The following EDA variants were observed in gnomAD, a reference collection of about 807,000 sequenced individuals.
The protein encoded by EDA is ectodysplasin-A.
A neutral mutation model predicts 23.6 loss-of-function variants in EDA; 2 were observed. The ratio of observed to expected loss-of-function variants is 0.08; its 90% CI spans 0.03 to 0.27. The LOEUF (loss-of-function observed/expected upper bound fraction) is 0.27, where lower values mean the gene tolerates loss of function less well. Ranked by LOEUF, EDA falls within the 10% of genes least tolerant of loss-of-function variation. The pLI is 1.00. For missense variants in EDA, 229 were observed against 324.2 expected (o/e 0.71, Z 2.26); for synonymous variants, 131 against 132.0 (o/e 0.99, Z 0.05).
chrX:69,864,015 T>A (rs1029975246), intron 1 of EDA, among the ~76,000 whole-genome samples: 1 of 111,751 alleles, frequency 8.9e-6, no homozygotes, highest in African/African-American at 3.3e-5. Context: ...TACATACTAA[T>A]GTTAGAAGTA....
At chrX:69,858,644 G>C (rs1415360866) in intron 1 of EDA, among the ~76,000 whole-genome samples, 1 of 111,817 alleles carries the variant, frequency 8.9e-6, no homozygotes, top group East Asian at 2.8e-4. Flanking sequence ...GTATTTTGTT[G>C]AGGATTTCTG....
chrX:69,753,044 T>G (rs1226710778), intron 1 of EDA, among the ~76,000 whole-genome samples: 4 of 109,488 alleles, frequency 3.7e-5, no homozygotes, highest in African/African-American at 1.0e-4. Flanking sequence ...GATTCATTGA[T>G]TTTTTGAAGG....
At chrX:69,650,899 T>C (rs1292930972) in intron 1 of EDA, among the ~76,000 whole-genome samples, 1 of 110,541 alleles carries the variant, frequency 9.0e-6, no homozygotes, top group Non-Finnish European at 1.9e-5. Context: ...GAAAAGCCTA[T>C]GTGAAAGTCT....
intron 1 of EDA, among the ~76,000 whole-genome samples, chrX:69,636,101 G>A (rs1392466462): frequency 9.0e-6 from 1 of 111,035 alleles, no homozygotes; most frequent in Non-Finnish European, 1.9e-5. Flanking sequence ...CAAATCTCAT[G>A]TTAAAACATA....
In EDA at chrX:70,037,487, C is replaced by T. The variant is rs1174562319; in HGVS notation, c.*1878C>T. ...GAAAATAATTTCTCTTGTATTATCT[C>T]CTTTGAAGAAGGCAAGGCTGATAAT... On this transcript the variant is annotated 3_prime_UTR_variant, in exon 8 of 8. Coordinates refer to ENST00000374552, the MANE Select transcript of EDA (RefSeq NM_001399.5). The T allele has an allele frequency of 2.7e-5, 3 of 112,127 alleles. No individual in the cohort carries two copies. Among genetic ancestry groups the T allele is most frequent in the African/African-American group, 9.7e-5 (3 of 30,831 alleles). 9.2% of individuals were successfully genotyped at this position (112,127 alleles called of 1,213,427 possible). A position where few individuals can be genotyped will look rare whatever the true frequency, so the allele number is the denominator to read the frequency against.
chrX:69,937,854 C>T (rs1463664770), intron 1 of EDA: 9 of 1,194,473 alleles, frequency 7.5e-6, no homozygotes, highest in Non-Finnish European at 6.8e-6. Context: ...AGCATTGCTC[C>T]TGAATCCTCC....
At chrX:70,018,549 A>G (rs1488379957) in intron 2 of EDA, among the ~76,000 whole-genome samples, 1 of 111,877 alleles carries the variant, frequency 8.9e-6, no homozygotes, top group Non-Finnish European at 1.9e-5. Flanking sequence ...TGACCATCTG[A>G]TCTTTGACAA....
intron 2 of EDA, among the ~76,000 whole-genome samples, chrX:69,958,317 A>G (rs188748584): frequency 1.8e-5 from 2 of 111,846 alleles, no homozygotes; most frequent in African/African-American, 6.5e-5. Flanking sequence ...AGGGTTACAA[A>G]GCAATATGAC....
At chrX:69,674,268 T>A (rs1447920538) in intron 1 of EDA, among the ~76,000 whole-genome samples, 1 of 111,498 alleles carries the variant, frequency 9.0e-6, no homozygotes, top group Non-Finnish European at 1.9e-5. Context: ...GTCTGTCTAT[T>A]TTGTCTGCCA....
intron 1 of EDA, among the ~76,000 whole-genome samples, chrX:69,816,691 T>C (rs1355802780): frequency 9.2e-6 from 1 of 108,197 alleles, no homozygotes; most frequent in Non-Finnish European, 1.9e-5. Flanking sequence ...CCGAGAAATA[T>C]GGGATTATGT....
intron 2 of EDA, among the ~76,000 whole-genome samples, chrX:69,987,073 A>G (rs2019503318): frequency 1.3e-5 from 1 of 78,293 alleles, no homozygotes; most frequent in Non-Finnish European, 2.3e-5. Context: ...GAATTGAACA[A>G]TGAGATCACA....
chrX:69,721,636 G>A lies in EDA; in HGVS notation c.396+104932G>A, dbSNP rs914467918. ...GTCAGAAGACTCCCATTTGATTTAG[G>A]AGAGGAATGAGCCCACGTGGGCTGA... On this transcript the variant is annotated intron_variant, in intron 1 of 7. Coordinates refer to ENST00000374552, the MANE Select transcript of EDA (RefSeq NM_001399.5). 7.2e-5 allele frequency among the ~76,000 whole-genome samples: 8 copies of A among 111,035 alleles called. No individual in the cohort carries two copies. In the South Asian group the frequency reaches 3.2e-3, roughly 44 times the overall value.
intron 1 of EDA, among the ~76,000 whole-genome samples, chrX:69,648,468 G>A (rs1280511911): frequency 8.9e-6 from 1 of 112,397 alleles, no homozygotes; most frequent in Non-Finnish European, 1.9e-5. Context: ...AAGTAGTCTG[G>A]CACTGATCTG....
At chrX:69,895,596 T>C (rs2018002695) in intron 1 of EDA, among the ~76,000 whole-genome samples, 1 of 111,586 alleles carries the variant, frequency 9.0e-6, no homozygotes, top group Non-Finnish European at 1.9e-5. Context: ...AGAGTAAAAA[T>C]AAAAAATCCT....
At chrX:69,997,656 C>T (rs1486647139) in intron 2 of EDA, among the ~76,000 whole-genome samples, 1 of 112,544 alleles carries the variant, frequency 8.9e-6, no homozygotes, top group Non-Finnish European at 1.9e-5. Flanking sequence ...CACTGCAGCC[C>T]CTCCCATCAC....
chrX:70,028,451 G>A (rs1490898894), intron 4 of EDA, among the ~76,000 whole-genome samples: 1 of 112,422 alleles, frequency 8.9e-6, no homozygotes, highest in Non-Finnish European at 1.9e-5. Context: ...CATAGAAATA[G>A]GCTATGGAGT....
At chrX:69,858,830 C>T (rs1602489090) in intron 1 of EDA, among the ~76,000 whole-genome samples, 1 of 111,264 alleles carries the variant, frequency 9.0e-6, no homozygotes, top group African/African-American at 3.3e-5. Context: ...TTGTACATCT[C>T]GTAGAAACCA....
chrX:69,784,845 T>A (rs1260791393), intron 1 of EDA, among the ~76,000 whole-genome samples: 1 of 110,251 alleles, frequency 9.1e-6, no homozygotes, highest in South Asian at 4.0e-4. Flanking sequence ...ATTGGTAGCT[T>A]GATGGGGATG....
At chrX:69,829,675 C>G (rs1255515029) in intron 1 of EDA, among the ~76,000 whole-genome samples, 2 of 111,864 alleles carry the variant, frequency 1.8e-5, no homozygotes, top group Admixed American at 1.9e-4. Context: ...ATGGTAGCAC[C>G]TGCTTCTGAA....
Sources: gnomAD v4.1 joint callset for allele counts (sites outside exome capture counted in the v4.1 genomes callset) on GRCh38, gnomAD v4.1.1 for gene constraint, MANE v1.5 for transcripts, NCBI Gene and HGNC (gene_info 2026-07-23, HGNC 2026-07-21) for gene names.